Variants in EHBP1 observed in about 807,000 individuals in gnomAD.
The protein encoded by EHBP1 is EH domain binding protein 1, also known as EH domain-binding protein 1.
EHBP1 carries 55 observed loss-of-function variants against 144.0 expected under a neutral mutation model. The observed-to-expected ratio is 0.38, with a 90% CI of 0.31 to 0.48. EHBP1 has a LOEUF of 0.48. EHBP1 is among the 20% of genes least tolerant of loss of function. The pLI is 0.98. For missense variants in EHBP1, 1,200 were observed against 1,364.2 expected (o/e 0.88, Z 1.90); for synonymous variants, 469 against 472.7 (o/e 0.99, Z 0.10).
chr2:63,021,500 C>G (rs562053550), intron 19 of EHBP1, among the ~76,000 whole-genome samples: 2 of 152,268 alleles, frequency 1.3e-5, no homozygotes, highest in South Asian at 4.2e-4. Context: ...CAGAAGCAAA[C>G]TGAACTTAGA....
intron 10 of EHBP1, among the ~76,000 whole-genome samples, chr2:62,907,954 A>G (rs2053929455): frequency 6.6e-6 from 1 of 152,192 alleles, no homozygotes; most frequent in Non-Finnish European, 1.5e-5. Context: ...GGCAATGTCT[A>G]TATATGCCTT....
chr2:62,723,447 T>C (rs992701578), intron 2 of EHBP1, among the ~76,000 whole-genome samples: 2 of 151,900 alleles, frequency 1.3e-5, no homozygotes, highest in Non-Finnish European at 2.9e-5. Context: ...CTTTCCACTC[T>C]GTGCCTTTTA....
intron 21 of EHBP1, chr2:63,043,920 CTTTTTTTTTTTTTTTTTTTTTTTTTTTTT>C (rs70962802): frequency 2.1e-3 from 20 of 9,402 alleles, no homozygotes; most frequent in Non-Finnish European, 3.1e-3. Flanking sequence ...GGCCATGGTT[CTTTTTTTTTTTTTTTTTTTTTTTTTTTTT>C]TTTTTTTTTT....
intron 19 of EHBP1, among the ~76,000 whole-genome samples, chr2:63,011,406 A>G (rs1243616010): frequency 1.3e-5 from 2 of 151,946 alleles, no homozygotes; most frequent in Non-Finnish European, 2.9e-5. Flanking sequence ...TTATCTAACC[A>G]TACAACAGAA....
At chr2:62,781,457 T>C (rs1188558039) in intron 5 of EHBP1, among the ~76,000 whole-genome samples, 1 of 152,198 alleles carries the variant, frequency 6.6e-6, no homozygotes, top group Non-Finnish European at 1.5e-5. Context: ...ATAATATGTT[T>C]GATTATTTAG....
intron 13 of EHBP1, among the ~76,000 whole-genome samples, chr2:62,951,535 G>GT (rs2057386435): frequency 1.7e-5 from 1 of 60,424 alleles, no homozygotes. Context: ...TTTTTTTTTT[G>GT]GGGGGGGGGG....
At chr2:62,974,685 G>T (rs1452698492) in intron 14 of EHBP1, among the ~76,000 whole-genome samples, 2 of 152,072 alleles carry the variant, frequency 1.3e-5, no homozygotes, top group African/African-American at 4.8e-5. Flanking sequence ...AATATTTTTG[G>T]TAGAATATTA....
At chr2:62,981,784 G>A (rs1574345344) in intron 15 of EHBP1, among the ~76,000 whole-genome samples, 1 of 152,300 alleles carries the variant, frequency 6.6e-6, no homozygotes, top group Admixed American at 6.5e-5. Flanking sequence ...GCAAGGAAAT[G>A]GAGACTAGAA....
intron 2 of EHBP1, among the ~76,000 whole-genome samples, chr2:62,715,738 G>C (rs1364564886): frequency 6.6e-6 from 1 of 152,250 alleles, no homozygotes; most frequent in Admixed American, 6.5e-5. Flanking sequence ...ATCAACAACT[G>C]GGGGATGATG....
At chr2:62,829,350 C>T (rs1452104383) in intron 6 of EHBP1, among the ~76,000 whole-genome samples, 1 of 151,712 alleles carries the variant, frequency 6.6e-6, no homozygotes, top group Admixed American at 6.6e-5. Context: ...TCTTTTATCC[C>T]TCACACCCCT....
At chr2:63,037,686 G>T in intron 20 of EHBP1, 52 bp downstream of exon 20, 2 of 1,086,416 alleles carry the variant, frequency 1.8e-6, no homozygotes, top group African/African-American at 1.6e-5. Context: ...TAAATCTTAG[G>T]CCTCTTGTTA....
chr2:62,968,763 A>G (rs933120197), intron 14 of EHBP1, among the ~76,000 whole-genome samples: 1 of 152,188 alleles, frequency 6.6e-6, no homozygotes, highest in Non-Finnish European at 1.5e-5. Flanking sequence ...GTTTCTTTAC[A>G]TTGAATAATC....
chr2:62,899,547 T>C (rs1357012721), intron 10 of EHBP1, among the ~76,000 whole-genome samples: 1 of 152,214 alleles, frequency 6.6e-6, no homozygotes, highest in East Asian at 1.9e-4. Context: ...TTGGAGACTC[T>C]GGGTCTGAAC....
At chr2:62,757,468 CT>C (rs1258508790) in intron 3 of EHBP1, among the ~76,000 whole-genome samples, 1 of 116,498 alleles carries the variant, frequency 8.6e-6, no homozygotes, top group Non-Finnish European at 1.7e-5. Flanking sequence ...TGCTCTTGCT[CT>C]GTCGCCCAGG....
chr2:62,945,873 A>C, intron 12 of EHBP1, among the ~76,000 whole-genome samples: 1 of 152,242 alleles, frequency 6.6e-6, no homozygotes, highest in Middle Eastern at 3.2e-3. Flanking sequence ...TAATCTTTAA[A>C]AATCAGTATA....
Position 62,695,655 on chromosome 2 carries a change from A to G in EHBP1, c.-295-11242A>G, listed in dbSNP as rs190374717. On this transcript the variant is annotated intron_variant, in intron 1 of 22. Transcript: ENST00000405015. ...GAGAGAACATTTTAAAGATTATGGA[A>G]TGATGGCTTATACAATATCTTCGAT... Among the ~76,000 whole-genome samples the G allele has an allele frequency of 6.7e-3, 1,014 of 152,354 alleles. 4 individuals carry two copies. The highest frequency in any genetic ancestry group is 0.011 in the Non-Finnish European group (768 of 68,022).
intron 7 of EHBP1, among the ~76,000 whole-genome samples, chr2:62,844,043 A>G (rs1639530400): frequency 6.6e-6 from 1 of 152,230 alleles, no homozygotes; most frequent in African/African-American, 2.4e-5. Context: ...ACTAAAAATT[A>G]TATTGAATGT....
chr2:63,018,507 C>T (rs1460594862), intron 19 of EHBP1, among the ~76,000 whole-genome samples: 2 of 152,164 alleles, frequency 1.3e-5, no homozygotes, highest in African/African-American at 2.4e-5. Context: ...AGGAACCTTG[C>T]TGATTCAGAA....
rs576352219 is a variant in EHBP1, at chr2:62,826,797, A to G, written c.494+529A>G. ...TTCTTAAGCACTGAGTCAGCATTGC[A>G]CAAAGATTTCTAGATTCCATTCTAG... is the stretch of plus-strand genomic sequence containing the variant. On this transcript the variant is annotated intron_variant, in intron 6 of 22. Transcript: ENST00000431489. Among the ~76,000 whole-genome samples the G allele has an allele frequency of 8.5e-5, 13 of 152,320 alleles. No individual in the cohort carries two copies. In the East Asian group the frequency reaches 2.3e-3, roughly 27 times the overall value.
Sources: allele counts gnomAD v4.1 joint callset (sites outside exome capture counted in the v4.1 genomes callset), GRCh38; gene constraint gnomAD v4.1.1; transcripts MANE v1.5; gene names NCBI Gene and HGNC (gene_info 2026-07-23, HGNC 2026-07-21).